HGS: variants seen among roughly 807,000 people sequenced by gnomAD.
HGS encodes the protein hepatocyte growth factor-regulated tyrosine kinase substrate.
Under a neutral mutation model 109.7 loss-of-function variants are expected in HGS, and 63 were observed. The ratio of observed to expected loss-of-function variants is 0.57; its 90% confidence interval spans 0.47 to 0.71. The LOEUF (loss-of-function observed/expected upper bound fraction) is 0.71, where lower values mean the gene tolerates loss of function less well. HGS is among the 30% of genes least tolerant of loss of function. The pLI, the probability that HGS is intolerant of heterozygous loss-of-function variation, is 0.00. For synonymous variants in HGS, 546 were observed against 437.3 expected (o/e 1.25, Z -3.10); for missense variants, 995 against 1,068.3 (o/e 0.93, Z 0.96).
intron 18 of HGS, among the ~76,000 whole-genome samples, chr17:81,698,940 A>G (rs2037193406): frequency 1.3e-5 from 2 of 151,918 alleles, no homozygotes; most frequent in African/African-American, 4.8e-5. Context: ...GATGGTGCAC[A>G]CCTGTAATCC....
At chr17:81,701,253 C>G in intron 21 of HGS, 122 bp downstream of exon 21, 7 of 921,100 alleles carry the variant, frequency 7.6e-6, no homozygotes, top group Non-Finnish European at 1.2e-5. Flanking sequence ...GGGGGAGACG[C>G]ATACCCGAGG....
At chr17:81,695,248 C>A (rs1180678395) in intron 14 of HGS, 25 bp downstream of exon 14, 5 of 1,611,138 alleles carry the variant, frequency 3.1e-6, no homozygotes, top group Non-Finnish European at 4.2e-6. Flanking sequence ...CCTCCACGGG[C>A]CAGGGCAAAA....
chr17:81,692,868 G>T (rs1276850380), intron 8 of HGS: 1 of 152,094 alleles, frequency 6.6e-6, no homozygotes, highest in Non-Finnish European at 1.5e-5. Context: ...AAAAATTAGC[G>T]GGCTTGGTGG....
intron 5 of HGS, among the ~76,000 whole-genome samples, chr17:81,689,139 G>C (rs1315055875): frequency 6.6e-6 from 1 of 152,230 alleles, no homozygotes; most frequent in Non-Finnish European, 1.5e-5. Flanking sequence ...TGCAGTCAGG[G>C]AAGGCCTCTG....
At chr17:81,684,212 C>T (rs1442900471) in intron 1 of HGS, 109 bp downstream of exon 1, 8 of 998,596 alleles carry the variant, frequency 8.0e-6, no homozygotes, top group Non-Finnish European at 1.1e-5. Flanking sequence ...GCCGCCCTGC[C>T]CGCCTCTCCC....
intron 15 of HGS, 76 bp from the exon 16 acceptor site, chr17:81,696,281 C>G: frequency 6.9e-7 from 1 of 1,446,764 alleles, no homozygotes; most frequent in Non-Finnish European, 9.1e-7. Flanking sequence ...GGCGGCCCAT[C>G]TGCGTGTCCG....
chr17:81,696,317 G>C (rs373931017), intron 15 of HGS, 40 bp from the exon 16 acceptor site: 2 of 1,503,902 alleles, frequency 1.3e-6, no homozygotes, highest in South Asian at 1.3e-5. Context: ...TCTCGGCACT[G>C]TGCCGGAGTG....
chr17:81,693,432 T>G, intron 8 of HGS, 71 bp from the exon 9 acceptor site: 1 of 1,134,254 alleles, frequency 8.8e-7, no homozygotes, highest in Admixed American at 1.8e-5. Context: ...CGCAGAGGTG[T>G]GGTTGAGAGC....
At chr17:81,694,890 C>T in intron 12 of HGS, 34 bp from the exon 13 acceptor site, 1 of 1,614,266 alleles carries the variant, frequency 6.2e-7, no homozygotes. Context: ...CTCACGGTTT[C>T]TGGCCTTGGG....
intron 18 of HGS, among the ~76,000 whole-genome samples, chr17:81,698,774 A>G (rs1456178604): frequency 6.6e-6 from 1 of 152,212 alleles, no homozygotes; most frequent in African/African-American, 2.4e-5. Flanking sequence ...TATATGATAA[A>G]AACCGTGAGT....
chr17:81,689,595 G>T (rs915171698), intron 5 of HGS, among the ~76,000 whole-genome samples: 1 of 152,306 alleles, frequency 6.6e-6, no homozygotes, highest in Admixed American at 6.5e-5. Context: ...GGCTGAGAGC[G>T]TGGGGAATGG....
chr17:81,693,225 C>A (rs1449784096), intron 8 of HGS, among the ~76,000 whole-genome samples: 1 of 152,184 alleles, frequency 6.6e-6, no homozygotes, highest in African/African-American at 2.4e-5. Context: ...GTAGGAAGGT[C>A]TTCGCAGGCC....
intron 18 of HGS, 55 bp from the exon 19 acceptor site, chr17:81,700,412 T>TC: frequency 1.4e-6 from 2 of 1,470,120 alleles, no homozygotes; most frequent in Middle Eastern, 1.8e-4. Context: ...GGGTGTCCCT[T>TC]CCTCTCCTCC....
chr17:81,688,440 G>A (rs932013602), intron 4 of HGS, among the ~76,000 whole-genome samples: 5 of 152,210 alleles, frequency 3.3e-5, no homozygotes, highest in Non-Finnish European at 5.9e-5. Context: ...GGCAGGTCCC[G>A]TGGGGAAAGG....
chr17:81,702,003 C>A lies in HGS; in HGVS notation c.*385C>A. The A allele has an allele frequency of 5.3e-6, 1 of 187,316 alleles. No homozygotes were observed. Among genetic ancestry groups the A allele is most frequent in the Non-Finnish European group, 1.1e-5 (1 of 91,338 alleles). 11.6% of individuals were successfully genotyped at this position (187,316 alleles called of 1,614,324 possible). A position where few individuals can be genotyped will look rare whatever the true frequency, so the allele number is the denominator to read the frequency against. On this transcript the variant is annotated 3_prime_UTR_variant, in exon 22 of 22. Coordinates refer to ENST00000329138, the MANE Select transcript of HGS (RefSeq NM_004712.5). ...GGCCTGGGGCTCCCTCTGCAGGGGCCTCTCTCGGCAGCCACAGCCAAGGGT... is the reference window on the plus strand; with the variant it reads ...GGCCTGGGGCTCCCTCTGCAGGGGCATCTCTCGGCAGCCACAGCCAAGGGT...
At chr17:81,696,051 G>T in intron 15 of HGS, 52 bp downstream of exon 15, 1 of 1,461,260 alleles carries the variant, frequency 6.8e-7, no homozygotes. Context: ...GGTGTTGTGA[G>T]CGCCATCCTG....
At position 81,686,754 on chromosome 17, in the gene HGS, G is replaced by GCT. The variant is rs569800684; in HGVS notation, c.199-248_199-247dup. Among the ~76,000 whole-genome samples the GCT allele has an allele frequency of 4.6e-5, 7 of 150,568 alleles. No homozygotes were observed. The East Asian group carries it at 8.3e-4, about 18-fold the overall frequency. ...ACTGGCCTGACGGGCCTGTTGAAGGGCTGCTGTCCCACCGGGTTCCCCACC... is the reference window on the plus strand; with the variant it reads ...ACTGGCCTGACGGGCCTGTTGAAGGGCTCTGCTGTCCCACCGGGTTCCCCACC... On this transcript the variant is annotated intron_variant, in intron 3 of 21. Coordinates refer to ENST00000329138, the MANE Select transcript of HGS (RefSeq NM_004712.5).
At chr17:81,690,312 T>C in intron 6 of HGS, 78 bp downstream of exon 6, 1 of 1,444,542 alleles carries the variant, frequency 6.9e-7, no homozygotes, top group East Asian at 2.3e-5. Context: ...GAGCCCGGCT[T>C]GTTTGAGGGT....
chr17:81,691,209 C>A lies in HGS; in HGVS notation c.538-238C>A, dbSNP rs1214759943. On this transcript the variant is annotated intron_variant, in intron 7 of 21. Transcript: ENST00000329138. The surrounding 1 kb of genome is among the most constrained non-coding windows in gnomAD (Gnocchi z 5.3). ...TCAGCAGAATTGATGTGTATTTTTT[C>A]CTTGCCCTTACTTTTAACTTACCTT... 6 of 544,032 alleles carry A rather than the reference C, an allele frequency of 1.1e-5. No homozygotes were observed. Among genetic ancestry groups the A allele is most frequent in the African/African-American group, 1.9e-5 (1 of 52,640 alleles). 33.7% of individuals were successfully genotyped at this position (544,032 alleles called of 1,614,324 possible).
Sources: allele counts gnomAD v4.1 joint callset (sites outside exome capture counted in the v4.1 genomes callset), GRCh38; gene constraint gnomAD v4.1.1; non-coding constraint Gnocchi (gnomAD v3.1); transcripts MANE v1.5; gene names NCBI Gene and HGNC (gene_info 2026-07-23, HGNC 2026-07-21).